The following CELF5 variants were observed in gnomAD, a reference collection of about 807,000 sequenced individuals.
CELF5 encodes CUG-BP and ETR-3 like factor 5.
In CELF5, 6 loss-of-function variants were observed where a neutral mutation model predicts 54.9. The ratio of observed to expected loss-of-function variants is 0.11; its 90% CI spans 0.06 to 0.22. The LOEUF (loss-of-function observed/expected upper bound fraction) is 0.22. Ranked by LOEUF, CELF5 falls within the 10% of genes least tolerant of loss-of-function variation. CELF5 has a pLI of 1.00. For synonymous variants in CELF5, 271 were observed against 290.9 expected, an observed-to-expected ratio of 0.93 and a Z score of 0.70; for missense variants, 401 against 678.6, an observed-to-expected ratio of 0.59 and a Z score of 4.54.
Position 3,228,694 on chromosome 19 carries a change from G to A in CELF5, c.259+3696G>A, listed in dbSNP as rs935922077. On this transcript the variant is annotated intron_variant, in intron 1 of 12. Transcript: ENST00000292672. This position sits in a 1 kb window ranked among gnomAD's most constrained non-coding sequence, Gnocchi z 6.0. Reference sequence around the variant, plus strand: ...ACCAGCTGCCGGCTCGACTCGGGAGGGGGGGAGGAGGAGGCTGTAGCAGGC... The same window carrying A: ...ACCAGCTGCCGGCTCGACTCGGGAGAGGGGGAGGAGGAGGCTGTAGCAGGC... 7.9e-5 allele frequency among the ~76,000 whole-genome samples: 12 copies of A among 151,946 alleles called. No homozygotes were observed. The highest frequency in any genetic ancestry group is 1.9e-4 in the East Asian group (1 of 5,148).
chr19:3,233,767 C>T (rs73517125), intron 1 of CELF5, among the ~76,000 whole-genome samples: 1,535 of 152,196 alleles, frequency 0.01, 24 homozygotes, highest in African/African-American at 0.035. Flanking sequence ...GTTTTTACCC[C>T]AAGAGAGGTG....
chr19:3,227,205 TG>T (rs898600167), intron 1 of CELF5, among the ~76,000 whole-genome samples: 9 of 151,176 alleles, frequency 6.0e-5, no homozygotes, highest in Non-Finnish European at 1.0e-4. Flanking sequence ...CACGAAGGGG[TG>T]GGGGGGTGTC....
At chr19:3,284,195 G>A (rs1281877497) in intron 8 of CELF5, among the ~76,000 whole-genome samples, 1 of 151,982 alleles carries the variant, frequency 6.6e-6, no homozygotes, top group South Asian at 2.1e-4. Flanking sequence ...GTGTGTGTGT[G>A]TGCAGGGGCG....
chr19:3,285,098 G>T, intron 9 of CELF5, 134 bp downstream of exon 9: 1 of 681,782 alleles, frequency 1.5e-6, no homozygotes, highest in Non-Finnish European at 2.5e-6. Flanking sequence ...CGCCCCTCAG[G>T]GCCCACCCTT....
intron 2 of CELF5, among the ~76,000 whole-genome samples, chr19:3,254,445 G>C (rs58096421): frequency 1.4e-5 from 2 of 143,738 alleles, no homozygotes; most frequent in African/African-American, 5.2e-5. Flanking sequence ...ATCCATCTAC[G>C]CATCCATCCA....
At position 3,228,692 on chromosome 19, in the gene CELF5, A is replaced by AG. The variant is rs1307637950; in HGVS notation, c.259+3701dup. Among the ~76,000 whole-genome samples the AG allele has an allele frequency of 1.3e-5, 1 of 74,362 alleles. No homozygotes were observed. Among genetic ancestry groups the AG allele is most frequent in the East Asian group, 3.4e-4 (1 of 2,916 alleles). The allele number at this position is 74,362 out of a possible 152,430, so 48.8% of individuals were successfully genotyped here. On this transcript the variant is annotated intron_variant, in intron 1 of 12. Coordinates refer to ENST00000292672, the MANE Select transcript of CELF5 (RefSeq NM_021938.4). This position sits in a 1 kb window ranked among gnomAD's most constrained non-coding sequence, Gnocchi z 6.0. ...GCACCAGCTGCCGGCTCGACTCGGG[A>AG]GGGGGGGAGGAGGAGGCTGTAGCAG...
In CELF5 at chr19:3,286,037, G is replaced by A. The variant is rs1318303027; in HGVS notation, c.1186+12G>A. 8 of 1,556,558 alleles carry A rather than the reference G, an allele frequency of 5.1e-6. No homozygotes were observed. Among genetic ancestry groups the A allele is most frequent in the Admixed American group, 1.8e-5 (1 of 54,938 alleles). ...GCAGCAGCGAGAAGGTGAGGCGGCC[G>A]CAACCTCCCCTGGGCGCCAGCCCCG... On this transcript the variant is annotated intron_variant, in intron 10 of 12. Transcript: ENST00000292672.
At chr19:3,232,667 T>A (rs1320501579) in intron 1 of CELF5, among the ~76,000 whole-genome samples, 1 of 151,808 alleles carries the variant, frequency 6.6e-6, no homozygotes, top group African/African-American at 2.4e-5. Context: ...ACAGGCTGGC[T>A]GCAGTGCATC....
chr19:3,279,314 T>C (rs1431758079), intron 5 of CELF5, among the ~76,000 whole-genome samples: 1 of 152,042 alleles, frequency 6.6e-6, no homozygotes, highest in African/African-American at 2.4e-5. Flanking sequence ...CACTGGGGAC[T>C]GCCCTTCCCC....
chr19:3,235,699 T>C (rs1356767385), intron 1 of CELF5, among the ~76,000 whole-genome samples: 1 of 145,480 alleles, frequency 6.9e-6, no homozygotes, highest in Non-Finnish European at 1.5e-5. Flanking sequence ...GGTGGATGGA[T>C]GGATGGATGG....
chr19:3,284,772 T>TA (rs2080206628), intron 8 of CELF5, 130 bp from the exon 9 acceptor site: 1 of 782,348 alleles, frequency 1.3e-6, no homozygotes, highest in Non-Finnish European at 2.2e-6. Flanking sequence ...TTCCTGGTCC[T>TA]ACAGAGGGTT....
chr19:3,286,158 A>G, intron 10 of CELF5, 133 bp downstream of exon 10: 1 of 692,456 alleles, frequency 1.4e-6, no homozygotes, highest in South Asian at 2.2e-5. Context: ...TGGACAGGCC[A>G]GAGTTGAGTC....
At chr19:3,287,034 C>CA (rs55661552) in intron 10 of CELF5, among the ~76,000 whole-genome samples, 2,794 of 103,278 alleles carry the variant, frequency 0.027, 90 homozygotes, top group East Asian at 0.19. Flanking sequence ...GACTCCGTCT[C>CA]AAAAAAAAAA....
At chr19:3,243,449 T>G (rs1473050793) in intron 1 of CELF5, among the ~76,000 whole-genome samples, 1 of 152,064 alleles carries the variant, frequency 6.6e-6, no homozygotes, top group Non-Finnish European at 1.5e-5. Context: ...CCCAGCTAAT[T>G]TTTAAAATTA....
At chr19:3,249,522 T>C (rs2079618273) in intron 1 of CELF5, among the ~76,000 whole-genome samples, 1 of 145,956 alleles carries the variant, frequency 6.9e-6, no homozygotes, top group Non-Finnish European at 1.5e-5. Flanking sequence ...CGATCCCTAA[T>C]GTTGCCCAAT....
intron 4 of CELF5, among the ~76,000 whole-genome samples, chr19:3,277,202 G>A (rs1171531599): frequency 1.3e-5 from 2 of 152,198 alleles, no homozygotes; most frequent in East Asian, 1.9e-4. Context: ...AGGGCTGGGC[G>A]TGGTGGCTCA....
At chr19:3,290,518 A>G in intron 11 of CELF5, 144 bp downstream of exon 11, 1 of 785,578 alleles carries the variant, frequency 1.3e-6, no homozygotes, top group Non-Finnish European at 2.0e-6. Context: ...GGCACAGTGG[A>G]TCACGCCTGT....
chr19:3,240,334 C>CTTTT (rs904483020), intron 1 of CELF5, among the ~76,000 whole-genome samples: 1 of 149,304 alleles, frequency 6.7e-6, no homozygotes. Context: ...TTCTTTCTTT[C>CTTTT]TTTTTTTTTG....
chr19:3,282,734 C>T lies in CELF5; in HGVS notation c.1039+236C>T, dbSNP rs1358886963. ...GAGCTTAAATTCCAGTTCAGTGACC[C>T]TGGATGGGCTCTTTACGTCCCTGAG... On this transcript the variant is annotated intron_variant, in intron 8 of 12. Coordinates refer to ENST00000292672, the MANE Select transcript of CELF5 (RefSeq NM_021938.4). This position sits in a 1 kb window ranked among gnomAD's most constrained non-coding sequence, Gnocchi z 5.2. Among the ~76,000 whole-genome samples, 1 of 152,136 alleles carries T rather than the reference C, an allele frequency of 6.6e-6. No individual in the cohort carries two copies. Among genetic ancestry groups the T allele is most frequent in the Non-Finnish European group, 1.5e-5 (1 of 68,028 alleles).
Sources: allele counts gnomAD v4.1 joint callset (sites outside exome capture counted in the v4.1 genomes callset), GRCh38; gene constraint gnomAD v4.1.1; non-coding constraint Gnocchi (gnomAD v3.1); transcripts MANE v1.5; gene names NCBI Gene and HGNC (gene_info 2026-07-23, HGNC 2026-07-21).